TRPM6: variants seen among roughly 807,000 people sequenced by gnomAD.
The protein encoded by TRPM6 is channel kinase 2.
A neutral mutation model predicts 247.6 loss-of-function variants in TRPM6; 111 were observed. The observed-to-expected ratio is 0.45, with a 90% CI of 0.38 to 0.52. TRPM6 has a LOEUF of 0.52. Ranked by LOEUF, TRPM6 falls within the 20% of genes least tolerant of loss-of-function variation. The pLI, the probability that TRPM6 is intolerant of heterozygous loss-of-function variation, is 0.00. For missense variants in TRPM6, 2,126 were observed against 2,421.5 expected (o/e 0.88, Z 2.56); for synonymous variants, 892 against 853.8 (o/e 1.04, Z -0.78).
chr9:74,884,936 G>C (rs1831487304), intron 1 of TRPM6, among the ~76,000 whole-genome samples: 1 of 152,212 alleles, frequency 6.6e-6, no homozygotes, highest in South Asian at 2.1e-4. Flanking sequence ...CCAAATGATG[G>C]TGAAGAGAGA....
In TRPM6 at chr9:74,838,907, C is replaced by T. The variant is rs947109035; in HGVS notation, c.544+1117G>A. Among the ~76,000 whole-genome samples the T allele has an allele frequency of 5.3e-5, 8 of 152,030 alleles. No individual in the cohort carries two copies. The East Asian group carries it at 5.8e-4, about 11-fold the overall frequency. The stretch of plus-strand genomic sequence containing the variant: ...GGCAGATCGCCTGAGGTCAGGAGTT[C>T]GAGGCCAGCCTGGCCAATATGGTGA... On this transcript the variant is annotated intron_variant, in intron 5 of 38. Transcript: ENST00000360774.
chr9:74,841,429 T>A (rs532956435), intron 4 of TRPM6, among the ~76,000 whole-genome samples: 1 of 152,038 alleles, frequency 6.6e-6, no homozygotes, highest in South Asian at 2.1e-4. Flanking sequence ...TCTCCATACA[T>A]GCAAATAGGA....
At chr9:74,800,016 C>G in intron 17 of TRPM6, 1 of 540,276 alleles carries the variant, frequency 1.9e-6, no homozygotes, top group East Asian at 3.3e-5. Flanking sequence ...TGCATCCCTC[C>G]CAAAGCTGCA....
intron 4 of TRPM6, among the ~76,000 whole-genome samples, chr9:74,841,836 A>G (rs1243687841): frequency 6.6e-6 from 1 of 152,172 alleles, no homozygotes; most frequent in African/African-American, 2.4e-5. Context: ...CCTTTATTCC[A>G]AAATTAAAAT....
chr9:74,753,143 T>A (rs1826313931), intron 28 of TRPM6, among the ~76,000 whole-genome samples: 4 of 149,082 alleles, frequency 2.7e-5, no homozygotes, highest in South Asian at 2.1e-4. Context: ...AGGAATGCCA[T>A]CAAATAAATA....
intron 36 of TRPM6, among the ~76,000 whole-genome samples, chr9:74,735,682 G>A (rs375928173): frequency 2.6e-5 from 4 of 152,074 alleles, no homozygotes; most frequent in East Asian, 3.9e-4. Context: ...TCCTGTTGCT[G>A]GGAACTAAAG....
At chr9:74,828,999 A>G (rs1829452056) in intron 6 of TRPM6, among the ~76,000 whole-genome samples, 1 of 152,206 alleles carries the variant, frequency 6.6e-6, no homozygotes, top group African/African-American at 2.4e-5. Context: ...TTCAAACAAA[A>G]TAAAGAGTAA....
chr9:74,801,858 A>G (rs769869113), intron 16 of TRPM6, 40 bp downstream of exon 16: 17 of 1,609,518 alleles, frequency 1.1e-5, no homozygotes, highest in South Asian at 4.4e-5. Context: ...CATTCTAAGA[A>G]GTGTTGATGT....
Position 74,840,254 on chromosome 9 carries a change from T to C in TRPM6, c.331-17A>G. 6.4e-7 allele frequency: 1 copy of C among 1,557,910 alleles called. No individual in the cohort carries two copies. On this transcript the variant is annotated splice_polypyrimidine_tract_variant and intron_variant, in intron 4 of 38. Coordinates refer to ENST00000360774, the MANE Select transcript of TRPM6 (RefSeq NM_017662.5). Reference sequence around the variant, plus strand: ...TCTAATATACTGCAAGAAAAGCACATGTAGGTGAACAGAACATTGTAAAAA... The same window carrying C: ...TCTAATATACTGCAAGAAAAGCACACGTAGGTGAACAGAACATTGTAAAAA...
intron 37 of TRPM6, 37 bp from the exon 38 acceptor site, chr9:74,728,382 T>G: frequency 2.1e-6 from 3 of 1,448,224 alleles, no homozygotes; most frequent in Non-Finnish European, 2.9e-6. Flanking sequence ...AGATCACAGC[T>G]AAGAAAAAGG....
intron 11 of TRPM6, among the ~76,000 whole-genome samples, chr9:74,815,928 T>C (rs1828907240): frequency 6.6e-6 from 1 of 152,236 alleles, no homozygotes; most frequent in African/African-American, 2.4e-5. Flanking sequence ...GTGATTATCA[T>C]TAGCATTATG....
intron 3 of TRPM6, among the ~76,000 whole-genome samples, chr9:74,851,274 G>T (rs1309949295): frequency 6.6e-6 from 1 of 151,848 alleles, no homozygotes; most frequent in Non-Finnish European, 1.5e-5. Context: ...TCAATTCCAG[G>T]AGGGGGGTTA....
intron 18 of TRPM6, 131 bp from the exon 19 acceptor site, chr9:74,792,901 A>G (rs1013259176): frequency 2.2e-5 from 19 of 881,986 alleles, no homozygotes; most frequent in Non-Finnish European, 3.4e-5. Flanking sequence ...TCACACCTGT[A>G]ATCCCAGCAC....
chr9:74,760,319 A>G (rs2118832178), intron 27 of TRPM6, among the ~76,000 whole-genome samples: 1 of 152,296 alleles, frequency 6.6e-6, no homozygotes, highest in East Asian at 1.9e-4. Context: ...TTCTATGTTT[A>G]GATATGCTTA....
intron 1 of TRPM6, among the ~76,000 whole-genome samples, chr9:74,859,834 A>G (rs1172175668): frequency 1.3e-5 from 2 of 152,104 alleles, no homozygotes; most frequent in Admixed American, 1.3e-4. Flanking sequence ...ATATTAGAAC[A>G]GAGATGAAAG....
chr9:74,739,313 C>T (rs577008063), intron 35 of TRPM6, 54 bp downstream of exon 35: 5 of 1,458,970 alleles, frequency 3.4e-6, no homozygotes, highest in African/African-American at 2.8e-5. Context: ...GCTGAGAAGA[C>T]GTGATAGAAA....
chr9:74,869,676 T>G (rs929225730), intron 1 of TRPM6, among the ~76,000 whole-genome samples: 4 of 151,414 alleles, frequency 2.6e-5, no homozygotes, highest in African/African-American at 9.7e-5. Context: ...TTACATGACA[T>G]TTTATAGGCA....
intron 21 of TRPM6, among the ~76,000 whole-genome samples, chr9:74,783,797 G>T (rs890955832): frequency 3.9e-5 from 6 of 152,156 alleles, no homozygotes; most frequent in African/African-American, 1.2e-4. Context: ...AGTCCTGGAG[G>T]TTGTCTCTTT....
Position 74,782,689 on chromosome 9 carries a change from T to C in TRPM6, c.3084A>G (p.Gly1028=). 1 of 1,614,202 alleles carries C rather than the reference T, an allele frequency of 6.2e-7. No individual in the cohort carries two copies. Among genetic ancestry groups the C allele is most frequent in the Non-Finnish European group, 8.5e-7 (1 of 1,180,014 alleles). ...AAATCCCATACACACCATCTATTTC[T>C]CCAGCATAGACTTCTCCGTATATCA... ...YWMIYGEVYA[G]EIDVCSSQPS... The change falls in exon 22 of 39, where the codon GGA becomes GGG. Residue 1028 remains glycine (G), a synonymous_variant. Transcript: ENST00000360774.
Sources: gnomAD v4.1 joint callset for allele counts (sites outside exome capture counted in the v4.1 genomes callset) on GRCh38, gnomAD v4.1.1 for gene constraint, MANE v1.5 for transcripts, NCBI Gene and HGNC (gene_info 2026-07-23, HGNC 2026-07-21) for gene names.